The following ARHGEF3 variants were observed in gnomAD, a reference collection of about 807,000 sequenced individuals.
ARHGEF3 encodes 59.8 kDA protein.
Under a neutral mutation model 63.2 loss-of-function variants are expected in ARHGEF3, and 28 were observed. That is an observed-to-expected ratio of 0.44 (90% CI 0.33 to 0.61). The LOEUF is 0.61. ARHGEF3 is among the 20% of genes least tolerant of loss of function. The pLI, the probability that ARHGEF3 is intolerant of heterozygous loss-of-function variation, is 0.03. For synonymous variants in ARHGEF3, 266 were observed against 254.2 expected (o/e 1.05, Z -0.44); for missense variants, 533 against 659.3 (o/e 0.81, Z 2.10).
At chr3:56,900,120 G>T (rs895338939) in intron 3 of ARHGEF3, among the ~76,000 whole-genome samples, 2 of 152,074 alleles carry the variant, frequency 1.3e-5, no homozygotes, top group African/African-American at 2.4e-5. Flanking sequence ...TGTAGCAGAG[G>T]CCCCACCTCC....
rs115467278 is a variant in ARHGEF3, at chr3:56,978,679, A to C, written c.63-19790T>G. On this transcript the variant is annotated intron_variant, in intron 2 of 12. Coordinates refer to the ARHGEF3 transcript ENST00000338458. ...GTATATATTGACGTGAAATTTCCAC[A>C]GGGTAATTTGACATCATTTTCCAAG... Among the ~76,000 whole-genome samples the C allele has an allele frequency of 4.2e-3, 634 of 152,370 alleles. 6 individuals are homozygous for C. The highest frequency in any genetic ancestry group is 0.014 in the African/African-American group (600 of 41,592).
chr3:56,994,209 T>A (rs1182905040), intron 2 of ARHGEF3, among the ~76,000 whole-genome samples: 1 of 151,402 alleles, frequency 6.6e-6, no homozygotes, highest in Admixed American at 6.6e-5. Context: ...CAACTCTACA[T>A]GAAACTTGGG....
At chr3:56,781,243 CT>C (rs111752315) in intron 1 of ARHGEF3, among the ~76,000 whole-genome samples, 35,574 of 142,752 alleles carry the variant, frequency 0.25, 6,712 homozygotes, top group African/African-American at 0.55. Flanking sequence ...TTTCTTTTGT[CT>C]TTTTTTTTTT....
chr3:56,939,158 A>G (rs747499784), intron 3 of ARHGEF3, among the ~76,000 whole-genome samples: 5 of 152,164 alleles, frequency 3.3e-5, no homozygotes, highest in Non-Finnish European at 1.5e-5. Flanking sequence ...AAATCCAATA[A>G]CAGGACTTTT....
chr3:56,730,786 C>T (rs1006080423), intron 9 of ARHGEF3, among the ~76,000 whole-genome samples: 2 of 152,190 alleles, frequency 1.3e-5, no homozygotes, highest in Non-Finnish European at 2.9e-5. Flanking sequence ...TTGCACTAAC[C>T]CTGCAGCCAG....
At chr3:56,890,300 C>T (rs2041077998) in intron 3 of ARHGEF3, among the ~76,000 whole-genome samples, 1 of 152,154 alleles carries the variant, frequency 6.6e-6, no homozygotes, top group Non-Finnish European at 1.5e-5. Context: ...CAGGCAGGTT[C>T]TAAGTGTATG....
intron 2 of ARHGEF3, among the ~76,000 whole-genome samples, chr3:57,028,302 A>G (rs1357508628): frequency 2.1e-5 from 2 of 93,710 alleles, no homozygotes; most frequent in Non-Finnish European, 4.3e-5. Flanking sequence ...CAAATGTCCA[A>G]CAATGATAGA....
chr3:57,025,370 G>A (rs1025921540), intron 2 of ARHGEF3, among the ~76,000 whole-genome samples: 3 of 152,168 alleles, frequency 2.0e-5, no homozygotes, highest in African/African-American at 7.2e-5. Context: ...AATTTCATGT[G>A]ACCTAGTCCC....
Position 57,010,081 on chromosome 3 carries a change from T to G in ARHGEF3, c.62+25007A>C, listed in dbSNP as rs116829093. Among the ~76,000 whole-genome samples, 943 of 152,266 alleles carry G rather than the reference T, an allele frequency of 6.2e-3. 15 individuals carry two copies. The highest frequency in any genetic ancestry group is 0.022 in the African/African-American group (907 of 41,544). On this transcript the variant is annotated intron_variant, in intron 2 of 12. Transcript: ENST00000338458. ...GGCTTTCTCCTGTCTCTTTTTAACATGCAGGCGCCACAGCACACATACCTT... is the reference window on the plus strand; with the variant it reads ...GGCTTTCTCCTGTCTCTTTTTAACAGGCAGGCGCCACAGCACACATACCTT...
intron 2 of ARHGEF3, among the ~76,000 whole-genome samples, chr3:57,034,076 A>G (rs1703848178): frequency 6.6e-6 from 1 of 151,946 alleles, no homozygotes; most frequent in African/African-American, 2.4e-5. Context: ...ATTAAATTAA[A>G]TTAATTTTAA....
At chr3:56,849,873 G>A (rs2039617165) in intron 4 of ARHGEF3, among the ~76,000 whole-genome samples, 1 of 152,098 alleles carries the variant, frequency 6.6e-6, no homozygotes, top group African/African-American at 2.4e-5. Context: ...CGCTCCGAGG[G>A]CCACTTTATA....
intron 1 of ARHGEF3, among the ~76,000 whole-genome samples, chr3:56,798,517 T>C (rs978656577): frequency 1.4e-5 from 2 of 147,974 alleles, no homozygotes; most frequent in Admixed American, 1.4e-4. Context: ...TACCTGAGCT[T>C]GCTTCCTTTT....
At chr3:56,754,533 A>G (rs1157542209) in intron 3 of ARHGEF3, among the ~76,000 whole-genome samples, 2 of 152,222 alleles carry the variant, frequency 1.3e-5, no homozygotes, top group Non-Finnish European at 2.9e-5. Flanking sequence ...GCTCTTCTAT[A>G]CAGGGTAATA....
At chr3:56,938,211 T>A (rs906096129) in intron 3 of ARHGEF3, among the ~76,000 whole-genome samples, 1 of 151,992 alleles carries the variant, frequency 6.6e-6, no homozygotes, top group Admixed American at 6.6e-5. Flanking sequence ...ATTTCCAGGG[T>A]TGGATGGCAG....
At chr3:56,956,826 A>C (rs1288229272) in intron 3 of ARHGEF3, among the ~76,000 whole-genome samples, 1 of 152,236 alleles carries the variant, frequency 6.6e-6, no homozygotes, top group Non-Finnish European at 1.5e-5. Context: ...CTCACAAGAG[A>C]TCTAATTTCT....
intron 4 of ARHGEF3, among the ~76,000 whole-genome samples, chr3:56,873,155 C>CA (rs2040483406): frequency 6.6e-6 from 1 of 151,842 alleles, no homozygotes; most frequent in South Asian, 2.1e-4. Flanking sequence ...CATGCCACCA[C>CA]ACTCAGCTAA....
intron 1 of ARHGEF3, among the ~76,000 whole-genome samples, chr3:57,072,795 C>T (rs1705992735): frequency 6.6e-6 from 1 of 151,750 alleles, no homozygotes; most frequent in Non-Finnish European, 1.5e-5. Context: ...TCCTGTAATC[C>T]CAGCACTTTG....
intron 4 of ARHGEF3, among the ~76,000 whole-genome samples, chr3:56,820,123 T>C (rs572935506): frequency 3.9e-5 from 6 of 152,298 alleles, no homozygotes; most frequent in Admixed American, 3.9e-4. Flanking sequence ...GCTAATGTCA[T>C]CATTTATTCC....
At chr3:57,007,066 G>T in intron 2 of ARHGEF3, 1 of 927,370 alleles carries the variant, frequency 1.1e-6, no homozygotes, top group Non-Finnish European at 1.4e-6. Flanking sequence ...CACTCTGGGT[G>T]CTGACTATTA....
Sources: allele counts gnomAD v4.1 joint callset (sites outside exome capture counted in the v4.1 genomes callset), GRCh38; gene constraint gnomAD v4.1.1; transcripts MANE v1.5; gene names NCBI Gene and HGNC (gene_info 2026-07-23, HGNC 2026-07-21).